Variants in NCBP3 observed in about 807,000 individuals in gnomAD.
The protein encoded by NCBP3 is nuclear cap binding subunit 3, also known as nuclear cap-binding protein subunit 3.
NCBP3 carries 20 observed loss-of-function variants against 75.7 expected under a neutral mutation model. That is an observed-to-expected ratio of 0.26 (90% CI 0.19 to 0.38). The LOEUF (loss-of-function observed/expected upper bound fraction) is 0.38. Ranked by LOEUF, NCBP3 falls within the 10% of genes least tolerant of loss-of-function variation. NCBP3 has a pLI of 1.00. For synonymous variants in NCBP3, 293 were observed against 290.5 expected (o/e 1.01, Z -0.09); for missense variants, 678 against 796.9 (o/e 0.85, Z 1.80).
intron 8 of NCBP3, 147 bp downstream of exon 8, chr17:3,821,806 C>T: frequency 1.6e-6 from 1 of 636,820 alleles, no homozygotes; most frequent in Non-Finnish European, 2.8e-6. Flanking sequence ...TCAGCATTCC[C>T]CATCATTTAC....
rs1449759858 is a variant in NCBP3, at chr17:3,808,674, G to C, written c.*4370C>G. The C allele has an allele frequency of 2.0e-5, 3 of 152,314 alleles. No individual in the cohort carries two copies. The highest frequency in any genetic ancestry group is 4.4e-5 in the Non-Finnish European group (3 of 68,168). The allele number at this position is 152,314 out of a possible 1,614,324, so 9.4% of individuals were successfully genotyped here. ...ATGGGGAGAACAGGCCAGGGATACT[G>C]CCAGAGGATAGACCTTGGTGAGCCT... On this transcript the variant is annotated 3_prime_UTR_variant, in exon 13 of 13. Transcript: ENST00000389005.
intron 2 of NCBP3, among the ~76,000 whole-genome samples, chr17:3,842,672 A>AT (rs1242233163): frequency 6.6e-6 from 1 of 151,584 alleles, no homozygotes; most frequent in South Asian, 2.1e-4. Context: ...ATAACACAAA[A>AT]TTTTTTTTTG....
intron 6 of NCBP3, 101 bp from the exon 7 acceptor site, chr17:3,825,151 TA>T (rs1325612697): frequency 1.6e-6 from 1 of 607,988 alleles, no homozygotes; most frequent in African/African-American, 1.9e-5. Flanking sequence ...CTTTAATACT[TA>T]CAAGCATTAT....
chr17:3,841,740 G>A (rs1158204379), intron 2 of NCBP3, among the ~76,000 whole-genome samples: 2 of 148,258 alleles, frequency 1.3e-5, no homozygotes, highest in African/African-American at 5.0e-5. Context: ...GGCTGAGGCA[G>A]AGGGATCAAT....
In NCBP3 at chr17:3,810,392, G is replaced by A. The variant is rs2053391005; in HGVS notation, c.*2652C>T. 1.3e-5 allele frequency: 2 copies of A among 152,124 alleles called. No homozygotes were observed. Among genetic ancestry groups the A allele is most frequent in the South Asian group, 2.1e-4 (1 of 4,820 alleles). 9.4% of individuals were successfully genotyped at this position (152,124 alleles called of 1,614,324 possible). On this transcript the variant is annotated 3_prime_UTR_variant, in exon 13 of 13. Coordinates refer to ENST00000389005, the MANE Select transcript of NCBP3 (RefSeq NM_001114118.3). ...TGGTAACTCTCCAGAGAGGAGAGTG[G>A]GAAACAAATGAGGTATCTGCAATTA... is the stretch of plus-strand genomic sequence containing the variant.
rs2053330073 is a variant in NCBP3 at position 3,805,718 on chromosome 17, C to G, written c.*7326G>C. ...ATCTCTTGTTTACAAACCCCTACTT[C>G]TTTCCTGCTATCTAGCCCACACCCC... is the stretch of plus-strand genomic sequence containing the variant. On this transcript the variant is annotated 3_prime_UTR_variant, in exon 13 of 13. Transcript: ENST00000389005. 1 of 152,278 alleles carries G rather than the reference C, an allele frequency of 6.6e-6. No individual in the cohort carries two copies. Among genetic ancestry groups the G allele is most frequent in the African/African-American group, 2.4e-5 (1 of 41,452 alleles). 9.4% of individuals were successfully genotyped at this position (152,278 alleles called of 1,614,324 possible).
At chr17:3,842,379 C>A (rs559767144) in intron 2 of NCBP3, among the ~76,000 whole-genome samples, 16 of 152,214 alleles carry the variant, frequency 1.1e-4, no homozygotes, top group Admixed American at 7.9e-4. Flanking sequence ...GAGCCGAGAT[C>A]GCACCACTGC....
At chr17:3,826,990 C>A (rs2053799486) in intron 4 of NCBP3, among the ~76,000 whole-genome samples, 1 of 133,238 alleles carries the variant, frequency 7.5e-6, no homozygotes, top group South Asian at 2.3e-4. Context: ...CCAGCCTGGG[C>A]GACAGAGCGA....
In NCBP3 at chr17:3,818,205, A is replaced by C; in HGVS notation, c.1310+58T>G. On this transcript the variant is annotated intron_variant, in intron 10 of 12. Transcript: ENST00000389005. The surrounding 1 kb of genome is among the most constrained non-coding windows in gnomAD (Gnocchi z 4.7). ...ATTATAAAATTAGGAGGAATTAAGAAGTTATACTAGTATTTAAAATCAAAT... is the reference window on the plus strand; with the variant it reads ...ATTATAAAATTAGGAGGAATTAAGACGTTATACTAGTATTTAAAATCAAAT... 1 of 1,232,116 alleles carries C rather than the reference A, an allele frequency of 8.1e-7. No individual in the cohort carries two copies. The highest frequency in any genetic ancestry group is 1.1e-6 in the Non-Finnish European group (1 of 884,268). 76.3% of individuals were successfully genotyped at this position (1,232,116 alleles called of 1,614,324 possible). A position where few individuals can be genotyped will look rare whatever the true frequency, so the allele number is the denominator to read the frequency against.
rs2010220 is a variant in NCBP3, at chr17:3,839,424, G to A, written c.355+676C>T. ...GTGCAGTGGTGCAATCTCGGATCAC[G>A]GCAACCTCTGCCTCCCAGGTTCAAG... On this transcript the variant is annotated intron_variant, in intron 3 of 12. Coordinates refer to ENST00000389005, the MANE Select transcript of NCBP3 (RefSeq NM_001114118.3). 4.8e-3 allele frequency among the ~76,000 whole-genome samples: 736 copies of A among 152,032 alleles called. 2 individuals carry two copies. The highest frequency in any genetic ancestry group is 0.017 in the African/African-American group (693 of 41,452).
chr17:3,828,804 C>A (rs1474153276), intron 4 of NCBP3, among the ~76,000 whole-genome samples: 1 of 152,138 alleles, frequency 6.6e-6, no homozygotes, highest in Non-Finnish European at 1.5e-5. Context: ...TGTCCAGTGT[C>A]TATTCTGGTC....
chr17:3,831,287 C>G (rs2053873064), intron 3 of NCBP3, among the ~76,000 whole-genome samples: 1 of 151,604 alleles, frequency 6.6e-6, no homozygotes, highest in South Asian at 2.1e-4. Context: ...AATAAATAAA[C>G]TTAAGGTCGG....
chr17:3,845,279 C>T (rs1232761876), intron 1 of NCBP3, among the ~76,000 whole-genome samples: 1 of 152,134 alleles, frequency 6.6e-6, no homozygotes, highest in Non-Finnish European at 1.5e-5. Context: ...AATATGTTGA[C>T]ATGTGGTCAA....
At chr17:3,826,286 T>C in intron 4 of NCBP3, 71 bp from the exon 5 acceptor site, 1 of 1,398,232 alleles carries the variant, frequency 7.2e-7, no homozygotes, top group Admixed American at 2.5e-5. Context: ...AGATTCTGCA[T>C]CGCATTCATC....
intron 3 of NCBP3, among the ~76,000 whole-genome samples, chr17:3,838,819 A>T (rs2054018757): frequency 1.3e-5 from 2 of 152,266 alleles, no homozygotes; most frequent in African/African-American, 4.8e-5. Flanking sequence ...CAAAAAAGAA[A>T]GAAATATATA....
Position 3,826,208 on chromosome 17 carries a change from T to A in NCBP3, c.489A>T (p.Val163=), listed in dbSNP as rs117759016. The A allele has an allele frequency of 0.038, 58,668 of 1,545,904 alleles. 1,325 individuals carry two copies. The highest frequency in any genetic ancestry group is 0.043 in the Non-Finnish European group (49,373 of 1,145,052). Residue 163 remains valine (V), a synonymous_variant, in exon 5 of 13, where the codon GTA becomes GTT. Transcript: ENST00000389005. The part of the protein sequence containing the change: ...IEWLDDTSCN[V]VWLDEMTATR... Reference sequence around the variant, plus strand: ...TGGCTGTCATTTCATCCAGCCAAACTACATTACCTAAAATAAAATGTAAAA... The same window carrying A: ...TGGCTGTCATTTCATCCAGCCAAACAACATTACCTAAAATAAAATGTAAAA...
intron 3 of NCBP3, among the ~76,000 whole-genome samples, chr17:3,832,510 A>G (rs2053900821): frequency 8.2e-6 from 1 of 122,464 alleles, no homozygotes; most frequent in South Asian, 2.9e-4. Flanking sequence ...AGGCACCTGT[A>G]GTCCCAGCTA....
At position 3,816,257 on chromosome 17, in the gene NCBP3, C is replaced by T. The variant is rs200891378; in HGVS notation, c.1324G>A (p.Ala442Thr). ...ATATTGCTTGAAGATACACTATCTGCCCTCATGGAGTTCCTTTAAAAAGGG... is the reference window on the plus strand; with the variant it reads ...ATATTGCTTGAAGATACACTATCTGTCCTCATGGAGTTCCTTTAAAAAGGG... ...QLKNIRNSMR[A>T]DSVSSSNIKN... is the part of the protein sequence containing the mutation. The change falls in exon 11 of 13, where the codon GCA becomes ACA. Residue 442 changes from alanine (A) to threonine (T), a missense_variant. By Grantham distance (58) the Ala-to-Thr change is moderately conservative (BLOSUM62 0). Around this residue, in one of 7 missense-constraint regions of NCBP3, gnomAD observed 365 missense variants for 392.7 expected, o/e 0.93. Transcript: ENST00000389005. 6.2e-7 allele frequency: 1 copy of T among 1,613,818 alleles called. No individual in the cohort carries two copies. Among genetic ancestry groups the T allele is most frequent in the Non-Finnish European group, 8.5e-7 (1 of 1,179,862 alleles).
chr17:3,825,403 A>G (rs1239019855), intron 6 of NCBP3, among the ~76,000 whole-genome samples: 1 of 152,230 alleles, frequency 6.6e-6, no homozygotes, highest in African/African-American at 2.4e-5. Context: ...AATATGGTAT[A>G]TAATAGGTAC....
Sources: gnomAD v4.1 joint callset for allele counts (sites outside exome capture counted in the v4.1 genomes callset) on GRCh38, gnomAD v4.1.1 for gene constraint, gnomAD v4.1.1 regional missense constraint, Gnocchi (gnomAD v3.1) non-coding constraint, MANE v1.5 for transcripts, NCBI Gene and HGNC (gene_info 2026-07-23, HGNC 2026-07-21) for gene names.